ANKRD42: variants seen among roughly 807,000 people sequenced by gnomAD.
ANKRD42 encodes the protein ankyrin repeat domain-containing protein 42.
ANKRD42 carries 43 observed loss-of-function variants against 51.5 expected under a neutral mutation model. The ratio of observed to expected loss-of-function variants is 0.83; its 90% CI spans 0.65 to 1.08. The LOEUF (loss-of-function observed/expected upper bound fraction) is 1.08, where lower values mean the gene tolerates loss of function less well. Among genes scored for constraint, ANKRD42 ranks in the 50% least tolerant of loss-of-function variants. ANKRD42 has a pLI of 0.00. For synonymous variants in ANKRD42, 203 were observed against 213.0 expected (o/e 0.95, Z 0.41); for missense variants, 608 against 629.3 (o/e 0.97, Z 0.36).
At chr11:83,209,358 G>T in intron 3 of ANKRD42, 1 of 1,450,310 alleles carries the variant, frequency 6.9e-7, no homozygotes, top group Admixed American at 2.0e-5. Context: ...GTTGCTTGGA[G>T]GTTGGCAGCG....
chr11:83,222,829 C>G (rs1252443877), intron 5 of ANKRD42, among the ~76,000 whole-genome samples: 1 of 152,172 alleles, frequency 6.6e-6, no homozygotes, highest in Non-Finnish European at 1.5e-5. Context: ...TGGTCTCAAA[C>G]TTCTGGGCTC....
At chr11:83,231,988 A>G (rs371790717) in intron 7 of ANKRD42, among the ~76,000 whole-genome samples, 2 of 151,942 alleles carry the variant, frequency 1.3e-5, no homozygotes, top group Non-Finnish European at 2.9e-5. Flanking sequence ...TTTGGTTACT[A>G]TAGCCCTATA....
intron 5 of ANKRD42, among the ~76,000 whole-genome samples, chr11:83,216,001 G>T (rs990367638): frequency 2.0e-5 from 3 of 152,118 alleles, no homozygotes; most frequent in African/African-American, 4.8e-5. Flanking sequence ...CACCATGTTG[G>T]CCAGGCTGGT....
chr11:83,211,343 G>C lies in ANKRD42; in HGVS notation c.499G>C (p.Ala167Pro). 1 of 1,614,208 alleles carries C rather than the reference G, an allele frequency of 6.2e-7. No homozygotes were observed. Among genetic ancestry groups the C allele is most frequent in the South Asian group, 1.1e-5 (1 of 91,088 alleles). The stretch of plus-strand genomic sequence containing the variant: ...AGAATGGAGACCTGTGCATTATGCA[G>C]CTTTTCATGGGCGGCTTGGCTGCTT... ...KREWRPVHYAAFHGRLGCLQL... is the reference protein window; with the variant it reads ...KREWRPVHYAPFHGRLGCLQL... Residue 167 changes from alanine (A) to proline (P), a missense_variant, in exon 5 of 11, where the codon GCT becomes CCT. Physicochemically the swap from Ala to Pro is conservative, Grantham distance 27. Transcript: ENST00000533342.
chr11:83,259,841 G>C (rs1863850271), downstream of ANKRD42: 1 of 152,210 alleles, frequency 6.6e-6, no homozygotes, highest in South Asian at 2.1e-4. Flanking sequence ...GAGAATATGG[G>C]TTTCATCTTA....
At chr11:83,203,079 C>T (rs551502481) in intron 2 of ANKRD42, among the ~76,000 whole-genome samples, 6 of 150,826 alleles carry the variant, frequency 4.0e-5, no homozygotes, top group African/African-American at 1.5e-4. Context: ...GCAACCTCTG[C>T]CTCCCAGGTT....
intron 11 of ANKRD42, chr11:83,255,703 C>T: frequency 1.6e-6 from 1 of 607,026 alleles, no homozygotes; most frequent in Admixed American, 3.3e-5. Flanking sequence ...AATTTATTCA[C>T]ATAAAATCCT....
intron 5 of ANKRD42, among the ~76,000 whole-genome samples, chr11:83,219,661 C>T (rs1404915193): frequency 6.6e-6 from 1 of 152,168 alleles, no homozygotes; most frequent in Non-Finnish European, 1.5e-5. Context: ...ATTGAATGGT[C>T]GAAACAACAA....
At chr11:83,260,802 C>G (rs1863893100), downstream of ANKRD42, 1 of 152,008 alleles carries the variant, frequency 6.6e-6, no homozygotes, top group South Asian at 2.1e-4. Context: ...ATAGATATTA[C>G]TTTGTAAGAA....
intron 7 of ANKRD42, among the ~76,000 whole-genome samples, chr11:83,234,685 T>A (rs1380630243): frequency 6.6e-6 from 1 of 152,236 alleles, no homozygotes; most frequent in Non-Finnish European, 1.5e-5. Context: ...TGCTCATAAA[T>A]ATGATTTTTT....
intron 7 of ANKRD42, among the ~76,000 whole-genome samples, chr11:83,235,229 T>G (rs1352684680): frequency 6.6e-6 from 1 of 152,146 alleles, no homozygotes; most frequent in Non-Finnish European, 1.5e-5. Context: ...ATACATGTCA[T>G]AGGAGTTTGG....
At chr11:83,194,828 G>A in intron 1 of ANKRD42, 100 bp downstream of exon 1, 1 of 1,212,374 alleles carries the variant, frequency 8.2e-7, no homozygotes, top group East Asian at 2.4e-5. Flanking sequence ...TTTCTCAGCC[G>A]TCACTCCCCC....
At chr11:83,223,117 G>C (rs953365488) in intron 5 of ANKRD42, among the ~76,000 whole-genome samples, 1 of 152,134 alleles carries the variant, frequency 6.6e-6, no homozygotes, top group African/African-American at 2.4e-5. Context: ...GGGCGTAGTG[G>C]CACACACCTG....
In ANKRD42 at chr11:83,198,737, T is replaced by C. The variant is rs1405852654; in HGVS notation, c.222+95T>C. 5.3e-6 allele frequency: 6 copies of C among 1,136,590 alleles called. No homozygotes were observed. In the African/African-American group the frequency reaches 6.3e-5, roughly 12 times the overall value. 70.4% of individuals were successfully genotyped at this position (1,136,590 alleles called of 1,614,324 possible). On this transcript the variant is annotated intron_variant, in intron 2 of 10. Coordinates refer to ENST00000533342, the MANE Select transcript of ANKRD42 (RefSeq NM_001300975.2). Reference sequence around the variant, plus strand: ...AGGGCTGAGACCTTATGGTAGGTACTGCATATATTTTCTTTTCAGTCATAG... The same window carrying C: ...AGGGCTGAGACCTTATGGTAGGTACCGCATATATTTTCTTTTCAGTCATAG...
intron 8 of ANKRD42, among the ~76,000 whole-genome samples, chr11:83,240,280 C>T (rs772067145): frequency 2.0e-5 from 3 of 152,108 alleles, no homozygotes; most frequent in Admixed American, 1.3e-4. Context: ...ATTTCAAAGC[C>T]GTACCAAATG....
chr11:83,247,899 G>A, intron 10 of ANKRD42, 44 bp from the exon 11 acceptor site: 1 of 1,492,462 alleles, frequency 6.7e-7, no homozygotes, highest in Non-Finnish European at 9.1e-7. Flanking sequence ...GTAATTATTA[G>A]TTGACATTGA....
chr11:83,262,750 T>C (rs1864000282), downstream of ANKRD42, among the ~76,000 whole-genome samples: 1 of 152,214 alleles, frequency 6.6e-6, no homozygotes, highest in African/African-American at 2.4e-5. Flanking sequence ...CCCCATTTGA[T>C]CCTACTACTT....
At chr11:83,209,504 C>T (rs1345182011) in intron 3 of ANKRD42, 2 of 1,097,560 alleles carry the variant, frequency 1.8e-6, no homozygotes, top group Admixed American at 1.7e-5. Flanking sequence ...CCGTAAAACC[C>T]ATTTGATGTC....
chr11:83,219,091 T>C (rs890061338), intron 5 of ANKRD42, among the ~76,000 whole-genome samples: 5 of 152,154 alleles, frequency 3.3e-5, no homozygotes, highest in African/African-American at 1.2e-4. Flanking sequence ...GGTGTGGTGC[T>C]CATCCGGAAT....
Sources: allele counts gnomAD v4.1 joint callset (sites outside exome capture counted in the v4.1 genomes callset), GRCh38; gene constraint gnomAD v4.1.1; transcripts MANE v1.5; gene names NCBI Gene and HGNC (gene_info 2026-07-23, HGNC 2026-07-21).